ADAM30: variants seen among roughly 807,000 people sequenced by gnomAD.
ADAM30 encodes ADAM metallopeptidase domain 30.
For synonymous variants in ADAM30, 382 were observed against 340.9 expected (o/e 1.12, Z -1.33); for missense variants, 960 against 959.4 (o/e 1.00, Z -0.01).
chr1:119,895,215 A>T lies in ADAM30; in HGVS notation c.1122T>A (p.Ser374Arg). 1 of 1,614,198 alleles carries T rather than the reference A, an allele frequency of 6.2e-7. No homozygotes were observed. The highest frequency in any genetic ancestry group is 8.5e-7 in the Non-Finnish European group (1 of 1,180,032). The change falls in exon 1 of 1, where the codon AGT becomes AGA. Residue 374 changes from serine (S) to arginine (R), a missense_variant. Physicochemically the swap from Ser to Arg is moderately radical, Grantham distance 110 (BLOSUM62 -1). Coordinates refer to ENST00000369400, the MANE Select transcript of ADAM30 (RefSeq NM_021794.4). ...GSGRTGFSNC[S>R]YISFFKHISS... ...AGATATGTTTAAAAAAAGAGATATA[A>T]CTGCAATTGCTAAACCCAGTGCGTC... is the stretch of plus-strand genomic sequence containing the variant.
At position 119,895,038 on chromosome 1, in the gene ADAM30, C is replaced by T. The variant is rs1648539774; in HGVS notation, c.1299G>A (p.Leu433=). The T allele has an allele frequency of 6.2e-7, 1 of 1,614,194 alleles. No homozygotes were observed. Among genetic ancestry groups the T allele is most frequent in the African/African-American group, 1.3e-5 (1 of 75,050 alleles). ...CAATGCTACAGTTGGCACCTGGTTG[C>T]AACTTACAATTTGATTGGCAACACC... is the stretch of plus-strand genomic sequence containing the variant. The part of the protein sequence containing the change: ...KDRCCQSNCK[L]QPGANCSIGL... The change falls in exon 1 of 1, where the codon TTG becomes TTA. Residue 433 remains leucine, a synonymous_variant. Coordinates refer to ENST00000369400, the MANE Select transcript of ADAM30 (RefSeq NM_021794.4).
In ADAM30 at chr1:119,893,584, T is replaced by G. The variant is rs587650506; in HGVS notation, c.*380A>C. On this transcript the variant is annotated 3_prime_UTR_variant, in exon 1 of 1. Transcript: ENST00000369400. ...ATGGGTGCAGGTGCGGATGTTCACA[T>G]GGATCAAGTTGAGGGAGGCAGAGGG... 4.2e-6 allele frequency: 1 copy of G among 240,110 alleles called. No individual in the cohort carries two copies. The highest frequency in any genetic ancestry group is 5.0e-5 in the Admixed American group (1 of 19,982). The allele number at this position is 240,110 out of a possible 1,614,324, so 14.9% of individuals were successfully genotyped here. A position where few individuals can be genotyped will look rare whatever the true frequency, so the allele number is the denominator to read the frequency against.
rs761726873 is a variant in ADAM30, at chr1:119,895,689, A to G, written c.648T>C (p.Tyr216=). ...ELILLFDQSR[Y]RFVNNNLSQV... ...GAGAAAGATTGTTGTTCACAAACCT[A>G]TACCTACTTTGATCAAAGAGTAGGA... Residue 216 remains tyrosine (Y), a synonymous_variant, in exon 1 of 1, where the codon TAT becomes TAC. Coordinates refer to ENST00000369400, the MANE Select transcript of ADAM30 (RefSeq NM_021794.4). 13 of 1,614,152 alleles carry G rather than the reference A, an allele frequency of 8.1e-6. No individual in the cohort carries two copies. The South Asian group carries it at 1.1e-4, about 14-fold the overall frequency.
In ADAM30 at chr1:119,895,018, C is replaced by T. The variant is rs1240675295; in HGVS notation, c.1319G>A (p.Ser440Asn). Residue 440 changes from serine (S) to asparagine (N), a missense_variant, in exon 1 of 1, where the codon AGC becomes AAC. Coordinates refer to ENST00000369400, the MANE Select transcript of ADAM30 (RefSeq NM_021794.4). ...NCKLQPGANCSIGLCCHDCRF... is the reference protein window; with the variant it reads ...NCKLQPGANCNIGLCCHDCRF... ...ACAATCATGACAGCAAAGTCCAATGCTACAGTTGGCACCTGGTTGCAACTT... is the reference window on the plus strand; with the variant it reads ...ACAATCATGACAGCAAAGTCCAATGTTACAGTTGGCACCTGGTTGCAACTT... The T allele has an allele frequency of 2.5e-6, 4 of 1,614,082 alleles. No homozygotes were observed. Among genetic ancestry groups the T allele is most frequent in the African/African-American group, 1.3e-5 (1 of 74,924 alleles).
rs1557795184 is a variant in ADAM30, at chr1:119,895,427, C to T, written c.910G>A (p.Ala304Thr). 2.2e-5 allele frequency: 36 copies of T among 1,613,840 alleles called. No individual in the cohort carries two copies. The highest frequency in any genetic ancestry group is 3.0e-5 in the Non-Finnish European group (35 of 1,179,918). ...HLYLQRKYND[A>T]LAWSFGKVCS... Reference sequence around the variant, plus strand: ...ACTTTTCCAAACGACCATGCAAGAGCATCATTATATTTTCTTTGAAGATAT... The same window carrying T: ...ACTTTTCCAAACGACCATGCAAGAGTATCATTATATTTTCTTTGAAGATAT... The change falls in exon 1 of 1, where the codon GCT becomes ACT. Residue 304 changes from alanine (A) to threonine (T), a missense_variant. Ala to Thr is a moderately conservative substitution (Grantham distance 58). Coordinates refer to ENST00000369400, the MANE Select transcript of ADAM30 (RefSeq NM_021794.4).
In ADAM30 at chr1:119,895,672, T is replaced by C. The variant is rs41276634; in HGVS notation, c.665A>G (p.Asn222Ser). The change falls in exon 1 of 1, where the codon AAT (asparagine) becomes AGT (serine). Residue 222 changes from asparagine (N) to serine (S), a missense_variant. Asn to Ser is a conservative substitution (Grantham distance 46). Transcript: ENST00000369400. ...DQSRYRFVNNNLSQVIHDAIL... is the reference protein window; with the variant it reads ...DQSRYRFVNNSLSQVIHDAIL... The stretch of plus-strand genomic sequence containing the variant: ...GGCATCATGTATGACTTGAGAAAGA[T>C]TGTTGTTCACAAACCTATACCTACT... The C allele has an allele frequency of 1.6e-3, 2,576 of 1,614,166 alleles. 3 individuals carry two copies. The highest frequency in any genetic ancestry group is 2.0e-3 in the Non-Finnish European group (2,384 of 1,180,046).
Position 119,894,097 on chromosome 1 carries a change from T to C in ADAM30, c.2240A>G (p.Lys747Arg). The C allele has an allele frequency of 6.2e-7, 1 of 1,613,434 alleles. No individual in the cohort carries two copies. The highest frequency in any genetic ancestry group is 8.5e-7 in the Non-Finnish European group (1 of 1,179,530). The change falls in exon 1 of 1, where the codon AAA becomes AGA. Residue 747 changes from lysine to arginine, a missense_variant. Coordinates refer to ENST00000369400, the MANE Select transcript of ADAM30 (RefSeq NM_021794.4). ...TGCTTCAGATTCTTCCTGTCCAGTT[T>C]TTGTTTTAGATTCTTCCTGTACAGT... ...TKTVQEESKT[K>R]TGQEESEAKT...
At position 119,896,442 on chromosome 1, in the gene ADAM30, C is replaced by A. The variant is rs1294054905; in HGVS notation, c.-106G>T. ...GCTAGAGGCGCCTGAGCTCAAAACC[C>A]GGCTCCCCTGGCAGGGTTTCCGGGG... On this transcript the variant is annotated 5_prime_UTR_variant, in exon 1 of 1. Coordinates refer to ENST00000369400, the MANE Select transcript of ADAM30 (RefSeq NM_021794.4). 7.0e-7 allele frequency: 1 copy of A among 1,424,058 alleles called. No homozygotes were observed. Among genetic ancestry groups the A allele is most frequent in the African/African-American group, 1.4e-5 (1 of 69,320 alleles). The allele number at this position is 1,424,058 out of a possible 1,614,324, so 88.2% of individuals were successfully genotyped here.
chr1:119,893,721 G>A lies in ADAM30; in HGVS notation c.*243C>T, dbSNP rs1648487472. Reference sequence around the variant, plus strand: ...TTTCAGAGCTTTAGTGTATGGAAAAGCCATTAGAGCATGATTCTCAGAATA... The same window carrying A: ...TTTCAGAGCTTTAGTGTATGGAAAAACCATTAGAGCATGATTCTCAGAATA... On this transcript the variant is annotated 3_prime_UTR_variant, in exon 1 of 1. Coordinates refer to ENST00000369400, the MANE Select transcript of ADAM30 (RefSeq NM_021794.4). 1.5e-6 allele frequency: 1 copy of A among 651,984 alleles called. No homozygotes were observed. The highest frequency in any genetic ancestry group is 1.8e-5 in the African/African-American group (1 of 54,688). The allele number at this position is 651,984 out of a possible 1,614,324, so 40.4% of individuals were successfully genotyped here.
In ADAM30 at chr1:119,893,642, C is replaced by A. The variant is rs946718896; in HGVS notation, c.*322G>T. On this transcript the variant is annotated 3_prime_UTR_variant, in exon 1 of 1. Transcript: ENST00000369400. ...GACAATTGCTTTGTTCCCTGGGATT[C>A]TGAGAAACAAGACTATACCTTGAAT... is the stretch of plus-strand genomic sequence containing the variant. 2 of 320,392 alleles carry A rather than the reference C, an allele frequency of 6.2e-6. No homozygotes were observed. Among genetic ancestry groups the A allele is most frequent in the African/African-American group, 4.3e-5 (2 of 46,508 alleles). The allele number at this position is 320,392 out of a possible 1,614,324, so 19.8% of individuals were successfully genotyped here.
rs1648511045 is a variant in ADAM30 at position 119,894,340 on chromosome 1, T to C, written c.1997A>G (p.Tyr666Cys). 4 of 1,614,176 alleles carry C rather than the reference T, an allele frequency of 2.5e-6. No homozygotes were observed. Among genetic ancestry groups the C allele is most frequent in the Non-Finnish European group, 3.4e-6 (4 of 1,180,010 alleles). The change falls in exon 1 of 1, where the codon TAT (tyrosine) becomes TGT (cysteine). Residue 666 changes from tyrosine to cysteine, a missense_variant. By Grantham distance (194) the Tyr-to-Cys change is radical. Coordinates refer to ENST00000369400, the MANE Select transcript of ADAM30 (RefSeq NM_021794.4). ...AGGCCCACTGTCAATGCTTCCTCCA[T>C]ACCCCACTTCCTCACAGAATGGAGG... ...WAPPFCEEVG[Y>C]GGSIDSGPPG... is the part of the protein sequence containing the mutation.
At position 119,896,476 on chromosome 1, in the gene ADAM30, A is replaced by G; in HGVS notation, c.-140T>C. On this transcript the variant is annotated 5_prime_UTR_variant, in exon 1 of 1. Transcript: ENST00000369400. ...TGGCAGGGTTTCCGGGGGAGCCCGT[A>G]GCCTCCCAGGGCTCGGTCTAGCTGG... The G allele has an allele frequency of 7.4e-7, 1 of 1,356,052 alleles. No homozygotes were observed. Among genetic ancestry groups the G allele is most frequent in the Non-Finnish European group, 9.7e-7 (1 of 1,034,966 alleles). The allele number at this position is 1,356,052 out of a possible 1,614,324, so 84.0% of individuals were successfully genotyped here. A position where few individuals can be genotyped will look rare whatever the true frequency, so the allele number is the denominator to read the frequency against.
Position 119,896,264 on chromosome 1 carries a change from A to G in ADAM30, c.73T>C (p.Ser25Pro). ...TGAAAAATTACATCTTCGCCAAGAG[A>G]CTTAAGGAGCATTGTCGGAACTAGT... ...LLLVPTMLLK[S>P]LGEDVIFHPE... The change falls in exon 1 of 1, where the codon TCT (serine) becomes CCT (proline). Residue 25 changes from serine to proline, a missense_variant. By Grantham distance (74) the Ser-to-Pro change is moderately conservative (BLOSUM62 -1). Coordinates refer to ENST00000369400, the MANE Select transcript of ADAM30 (RefSeq NM_021794.4). 1 of 1,613,364 alleles carries G rather than the reference A, an allele frequency of 6.2e-7. No individual in the cohort carries two copies. Among genetic ancestry groups the G allele is most frequent in the Non-Finnish European group, 8.5e-7 (1 of 1,179,652 alleles).
rs190248331 is a variant in ADAM30 at position 119,895,992 on chromosome 1, G to A, written c.345C>T (p.Ser115=). ...CTTTAGAGTCCAGAGACTCTTTCAC[G>A]GAGCCCATGTAGTTGCAGTCCTTTG... ...YIPKDCNYMG[S]VKESLDSKAT... is the part of the protein sequence containing the mutation. The change falls in exon 1 of 1, where the codon TCC becomes TCT. Residue 115 remains serine, a synonymous_variant. Coordinates refer to ENST00000369400, the MANE Select transcript of ADAM30 (RefSeq NM_021794.4). 336 of 1,614,102 alleles carry A rather than the reference G, an allele frequency of 2.1e-4. No homozygotes were observed. The highest frequency in any genetic ancestry group is 2.7e-4 in the Non-Finnish European group (323 of 1,180,028).
In ADAM30 at chr1:119,894,450, C is replaced by T. The variant is rs1310309455; in HGVS notation, c.1887G>A (p.Leu629=). Residue 629 remains leucine (L), a synonymous_variant, in exon 1 of 1, where the codon CTG becomes CTA. Transcript: ENST00000369400. ...FKKNCVNSSV[L]QFDCLPEKCN... is the part of the protein sequence containing the mutation. Reference sequence around the variant, plus strand: ...ATTTCTCAGGCAAACAGTCAAACTGCAGGACTGAGCTATTGACGCAATTTT... The same window carrying T: ...ATTTCTCAGGCAAACAGTCAAACTGTAGGACTGAGCTATTGACGCAATTTT... 1.9e-6 allele frequency: 3 copies of T among 1,614,146 alleles called. No individual in the cohort carries two copies. Among genetic ancestry groups the T allele is most frequent in the Admixed American group, 1.7e-5 (1 of 60,018 alleles).
In ADAM30 at chr1:119,896,054, C is replaced by T; in HGVS notation, c.283G>A (p.Glu95Lys). Residue 95 changes from glutamate to lysine, a missense_variant, in exon 1 of 1, where the codon GAA becomes AAA. Transcript: ENST00000369400. ...PRHLRVFSFTEHGELLEDHPY... is the reference protein window; with the variant it reads ...PRHLRVFSFTKHGELLEDHPY... ...TGATCCTCCAGCAGTTCCCCATGTT[C>T]TGTGAAGGAGAAAACGCGCAGATGT... is the stretch of plus-strand genomic sequence containing the variant. The T allele has an allele frequency of 6.2e-7, 1 of 1,614,166 alleles. No homozygotes were observed. Among genetic ancestry groups the T allele is most frequent in the Non-Finnish European group, 8.5e-7 (1 of 1,180,038 alleles).
In ADAM30 at chr1:119,895,049, T is replaced by G. The variant is rs778567520; in HGVS notation, c.1288A>C (p.Asn430His). 1.9e-6 allele frequency: 3 copies of G among 1,614,212 alleles called. No individual in the cohort carries two copies. In the South Asian group the frequency reaches 3.3e-5, roughly 18 times the overall value. The change falls in exon 1 of 1, where the codon AAT (asparagine) becomes CAT (histidine). Residue 430 changes from asparagine (N) to histidine (H), a missense_variant. By Grantham distance (68) the Asn-to-His change is moderately conservative. Coordinates refer to ENST00000369400, the MANE Select transcript of ADAM30 (RefSeq NM_021794.4). ...ECQKDRCCQS[N>H]CKLQPGANCS... is the part of the protein sequence containing the mutation. ...TTGGCACCTGGTTGCAACTTACAAT[T>G]TGATTGGCAACACCGATCTTTCTGA...
chr1:119,895,401 C>T lies in ADAM30; in HGVS notation c.936G>A (p.Val312=). The T allele has an allele frequency of 6.2e-7, 1 of 1,613,936 alleles. No homozygotes were observed. The highest frequency in any genetic ancestry group is 8.5e-7 in the Non-Finnish European group (1 of 1,179,974). The change falls in exon 1 of 1, where the codon GTG becomes GTA. Residue 312 remains valine, a synonymous_variant. Transcript: ENST00000369400. ...NDALAWSFGK[V]CSLEYAGSVS... ...CTGATCCAGCATATTCTAGAGAACA[C>T]ACTTTTCCAAACGACCATGCAAGAG...
In ADAM30 at chr1:119,896,503, G is replaced by T; in HGVS notation, c.-167C>A. The T allele has an allele frequency of 1.8e-6, 2 of 1,091,986 alleles. No homozygotes were observed. The highest frequency in any genetic ancestry group is 2.5e-6 in the Non-Finnish European group (2 of 805,540). 67.6% of individuals were successfully genotyped at this position (1,091,986 alleles called of 1,614,324 possible). A position where few individuals can be genotyped will look rare whatever the true frequency, so the allele number is the denominator to read the frequency against. On this transcript the variant is annotated 5_prime_UTR_variant, in exon 1 of 1. Transcript: ENST00000369400. The stretch of plus-strand genomic sequence containing the variant: ...CCTCCCAGGGCTCGGTCTAGCTGGC[G>T]TCCGCAATGCGCGCGTGACCTGTCC...
Sources: allele counts gnomAD v4.1 joint callset, GRCh38; gene constraint gnomAD v4.1.1; transcripts MANE v1.5; gene names NCBI Gene and HGNC (gene_info 2026-07-23, HGNC 2026-07-21).